The following SCD5 variants were observed in gnomAD, a reference collection of about 807,000 sequenced individuals.
The protein encoded by SCD5 is stearoyl-CoA desaturase 5.
Under a neutral mutation model 30.4 loss-of-function variants are expected in SCD5, and 20 were observed. The observed-to-expected ratio is 0.66, with a 90% confidence interval of 0.46 to 0.96. The LOEUF is 0.96. Ranked by LOEUF, SCD5 falls within the 40% of genes least tolerant of loss-of-function variation. SCD5 has a pLI of 0.00. For missense variants in SCD5, 381 were observed against 443.3 expected, an observed-to-expected ratio of 0.86 and a Z score of 1.26; for synonymous variants, 173 against 176.4, an observed-to-expected ratio of 0.98 and a Z score of 0.16.
chr4:82,737,338 C>T (rs753139069), intron 1 of SCD5, among the ~76,000 whole-genome samples: 6 of 152,108 alleles, frequency 3.9e-5, no homozygotes, highest in Non-Finnish European at 5.9e-5. Context: ...ACTGTTAATG[C>T]AGTAGAAATA....
At chr4:82,741,764 A>G (rs1720876919) in intron 1 of SCD5, among the ~76,000 whole-genome samples, 1 of 150,606 alleles carries the variant, frequency 6.6e-6, no homozygotes, top group Non-Finnish European at 1.5e-5. Flanking sequence ...CCCCTTACAC[A>G]GAATTCACAA....
intron 1 of SCD5, among the ~76,000 whole-genome samples, chr4:82,796,269 CA>C (rs34612984): frequency 3.0e-3 from 312 of 105,228 alleles, no homozygotes; most frequent in Admixed American, 3.2e-3. Context: ...GACTCTGTCT[CA>C]AAAAAAAAAA....
At chr4:82,768,122 A>G (rs1721532012) in intron 1 of SCD5, among the ~76,000 whole-genome samples, 1 of 152,240 alleles carries the variant, frequency 6.6e-6, no homozygotes. Context: ...CATATCAGAT[A>G]CTCATTCTAA....
At chr4:82,637,375 T>C (rs1228493045) in intron 3 of SCD5, among the ~76,000 whole-genome samples, 1 of 152,168 alleles carries the variant, frequency 6.6e-6, no homozygotes, top group Admixed American at 6.5e-5. Flanking sequence ...ATAATAAGTA[T>C]AGAAACAGGC....
chr4:82,728,495 C>G (rs1264313472), intron 1 of SCD5, among the ~76,000 whole-genome samples: 1 of 152,208 alleles, frequency 6.6e-6, no homozygotes, highest in Admixed American at 6.5e-5. Context: ...AGATTGCTGA[C>G]TTCCCCAATT....
intron 1 of SCD5, among the ~76,000 whole-genome samples, chr4:82,773,101 C>G (rs1721665364): frequency 1.3e-5 from 2 of 152,136 alleles, no homozygotes; most frequent in South Asian, 4.1e-4. Context: ...CCCCAGGACA[C>G]AGGACTTCAT....
At chr4:82,698,393 T>G (rs1196009058) in intron 2 of SCD5, among the ~76,000 whole-genome samples, 1 of 152,170 alleles carries the variant, frequency 6.6e-6, no homozygotes, top group African/African-American at 2.4e-5. Context: ...TCTCCCTCCT[T>G]GACATGCACA....
rs1173317486 is a variant in SCD5 at position 82,712,281 on chromosome 4, T to TAC, written c.233-6869_233-6868insGT. Among the ~76,000 whole-genome samples, 329 of 49,932 alleles carry TAC rather than the reference T, an allele frequency of 6.6e-3. 1 individual carries two copies. The highest frequency in any genetic ancestry group is 0.014 in the Middle Eastern group (1 of 72). The allele number at this position is 49,932 out of a possible 152,430, so 32.8% of individuals were successfully genotyped here. On this transcript the variant is annotated intron_variant, in intron 1 of 4. Coordinates refer to ENST00000319540, the MANE Select transcript of SCD5 (RefSeq NM_001037582.3). ...ATATATATATATATATATATATATA[T>TAC]ATATATATATATATATTTTATTTTT...
At chr4:82,682,431 T>G (rs1031504010) in intron 2 of SCD5, among the ~76,000 whole-genome samples, 2 of 152,168 alleles carry the variant, frequency 1.3e-5, no homozygotes, top group Admixed American at 6.5e-5. Context: ...TTTCAAAACT[T>G]TGAGAAGATG....
chr4:82,638,557 G>T (rs1450544739), intron 3 of SCD5, among the ~76,000 whole-genome samples: 1 of 152,180 alleles, frequency 6.6e-6, no homozygotes, highest in Non-Finnish European at 1.5e-5. Context: ...GCATCAAGGG[G>T]TGCCACATGG....
At chr4:82,727,064 TCCA>T (rs1256666626) in intron 1 of SCD5, among the ~76,000 whole-genome samples, 1 of 152,194 alleles carries the variant, frequency 6.6e-6, no homozygotes, top group East Asian at 1.9e-4. Context: ...TACAGAAAAG[TCCA>T]CCCCATCTCA....
intron 1 of SCD5, among the ~76,000 whole-genome samples, chr4:82,711,971 T>A (rs1163483600): frequency 6.6e-6 from 1 of 151,688 alleles, no homozygotes; most frequent in African/African-American, 2.4e-5. Flanking sequence ...ATTCTCACAT[T>A]TTCATGTGCC....
At chr4:82,715,093 C>T (rs919828086) in intron 1 of SCD5, among the ~76,000 whole-genome samples, 1 of 151,394 alleles carries the variant, frequency 6.6e-6, no homozygotes. Flanking sequence ...AAAAATTAGC[C>T]GGGTGTGGTG....
intron 1 of SCD5, among the ~76,000 whole-genome samples, chr4:82,778,868 C>CTTT (rs111615476): frequency 7.0e-6 from 1 of 142,506 alleles, no homozygotes; most frequent in Non-Finnish European, 1.5e-5. Context: ...ACTAGCTAAT[C>CTTT]TTTTTTTTTT....
chr4:82,787,008 G>A (rs2148853106), intron 1 of SCD5, among the ~76,000 whole-genome samples: 1 of 152,246 alleles, frequency 6.6e-6, no homozygotes, highest in Middle Eastern at 3.4e-3. Context: ...AAAAGCTATT[G>A]TTTTGTTTCA....
chr4:82,775,144 G>A (rs1721718682), intron 1 of SCD5, among the ~76,000 whole-genome samples: 1 of 152,194 alleles, frequency 6.6e-6, no homozygotes, highest in East Asian at 1.9e-4. Context: ...TCTTGCTAGA[G>A]AACAGCTGCT....
intron 3 of SCD5, among the ~76,000 whole-genome samples, chr4:82,650,557 A>C (rs1171842063): frequency 2.0e-5 from 3 of 152,192 alleles, no homozygotes; most frequent in African/African-American, 7.2e-5. Context: ...TTAGCCAGGC[A>C]TTGTGGTACA....
At position 82,680,783 on chromosome 4, in the gene SCD5, G is replaced by C. The variant is rs115277044; in HGVS notation, c.493C>G (p.Arg165Gly). Residue 165 changes from arginine (R) to glycine (G), a missense_variant, in exon 3 of 5, where the codon CGA becomes GGA. Coordinates refer to ENST00000319540, the MANE Select transcript of SCD5 (RefSeq NM_001037582.3). The stretch of plus-strand genomic sequence containing the variant: ...TTTCTCCCCTTCTCAATAACATCTC[G>C]ATGCTTGCGAACAAACAGCCACCCA... Reference protein sequence around the residue: ...HIGWLFVRKHRDVIEKGRKLD... With the variant: ...HIGWLFVRKHGDVIEKGRKLD... The C allele has an allele frequency of 1.9e-6, 3 of 1,613,818 alleles. No individual in the cohort carries two copies. The highest frequency in any genetic ancestry group is 2.7e-5 in the African/African-American group (2 of 74,896).
intron 1 of SCD5, among the ~76,000 whole-genome samples, chr4:82,757,195 T>C (rs1721251184): frequency 6.6e-6 from 1 of 152,146 alleles, no homozygotes; most frequent in Non-Finnish European, 1.5e-5. Flanking sequence ...TTACCCTGAG[T>C]TGCAATTCAT....
Sources: gnomAD v4.1 joint callset for allele counts (sites outside exome capture counted in the v4.1 genomes callset) on GRCh38, gnomAD v4.1.1 for gene constraint, MANE v1.5 for transcripts, NCBI Gene and HGNC (gene_info 2026-07-23, HGNC 2026-07-21) for gene names.